The following ABCB4 variants were observed in gnomAD, a reference collection of about 807,000 sequenced individuals.
ABCB4 encodes the protein ATP binding cassette subfamily B member 4, also known as phosphatidylcholine translocator ABCB4.
Under a neutral mutation model 145.7 loss-of-function variants are expected in ABCB4, and 76 were observed. That is an observed-to-expected ratio of 0.52 (90% CI 0.43 to 0.63). The LOEUF is 0.63. Ranked by LOEUF, ABCB4 falls within the 30% of genes least tolerant of loss-of-function variation. The pLI is 0.00. For missense variants in ABCB4, 1,234 were observed against 1,553.1 expected (o/e 0.79, Z 3.45); for synonymous variants, 517 against 566.8 (o/e 0.91, Z 1.25).
intron 18 of ABCB4, among the ~76,000 whole-genome samples, chr7:87,421,421 C>T (rs1462458835): frequency 6.6e-6 from 1 of 152,162 alleles, no homozygotes; most frequent in Non-Finnish European, 1.5e-5. Context: ...CCCTAGCATG[C>T]CAGGGACTGG....
At chr7:87,475,730 G>T (rs1414767599), upstream of ABCB4, 2 of 342,784 alleles carry the variant, frequency 5.8e-6, no homozygotes, top group Admixed American at 6.1e-5. Context: ...CCCCGCCCCC[G>T]CCCCCGCCCC....
At chr7:87,467,815 A>C (rs569548328) in intron 3 of ABCB4, among the ~76,000 whole-genome samples, 2 of 152,226 alleles carry the variant, frequency 1.3e-5, no homozygotes, top group African/African-American at 4.8e-5. Flanking sequence ...TAACGAAATG[A>C]AGGCAGAAAT....
At chr7:87,412,499 T>A (rs1321647348) in intron 22 of ABCB4, among the ~76,000 whole-genome samples, 1 of 152,118 alleles carries the variant, frequency 6.6e-6, no homozygotes, top group Non-Finnish European at 1.5e-5. Context: ...GTCCCTGAAG[T>A]TTACATAGAT....
At chr7:87,452,769 C>A in intron 6 of ABCB4, 175 bp downstream of exon 6, 1 of 735,038 alleles carries the variant, frequency 1.4e-6, no homozygotes, top group South Asian at 1.8e-5. Context: ...GGGGGAAAGC[C>A]AACATGCAAT....
At chr7:87,413,829 T>C (rs1808790664) in intron 21 of ABCB4, 112 bp from the exon 22 acceptor site, 1 of 761,348 alleles carries the variant, frequency 1.3e-6, no homozygotes, top group Non-Finnish European at 2.3e-6. Flanking sequence ...TGATAGGCTT[T>C]AATTTCCTTT....
chr7:87,459,156 A>G (rs574949650), intron 4 of ABCB4, among the ~76,000 whole-genome samples: 1 of 152,364 alleles, frequency 6.6e-6, no homozygotes, highest in South Asian at 2.1e-4. Flanking sequence ...GTGATAAAAT[A>G]CCTTACATAA....
the ABCB4 span, chr7:87,393,085 T>C: frequency 1.2e-6 from 2 of 1,610,042 alleles, no homozygotes; most frequent in East Asian, 2.2e-5. Context: ...TTCTCTTTTT[T>C]ATTCTTTCTG....
intron 24 of ABCB4, among the ~76,000 whole-genome samples, chr7:87,408,645 T>A (rs983787441): frequency 1.3e-5 from 2 of 152,220 alleles, no homozygotes; most frequent in Admixed American, 1.3e-4. Context: ...TAAGTTCACT[T>A]TCTTTATCTC....
chr7:87,427,140 G>T (rs1000195002), intron 15 of ABCB4, among the ~76,000 whole-genome samples: 2 of 151,968 alleles, frequency 1.3e-5, no homozygotes, highest in Non-Finnish European at 2.9e-5. Flanking sequence ...AAGAAAATCG[G>T]AGTATAAGAA....
chr7:87,453,783 A>G (rs1212281128), intron 5 of ABCB4, among the ~76,000 whole-genome samples: 1 of 152,178 alleles, frequency 6.6e-6, no homozygotes, highest in African/African-American at 2.4e-5. Context: ...CTAGACTTGT[A>G]TATCTTATTG....
the ABCB4 span, among the ~76,000 whole-genome samples, chr7:87,384,353 G>A: frequency 3.9e-5 from 6 of 152,164 alleles, no homozygotes; most frequent in East Asian, 7.7e-4. Flanking sequence ...CCAACATAGC[G>A]AAACCCTGTC....
chr7:87,366,664 C>T, the ABCB4 span, among the ~76,000 whole-genome samples: 8 of 152,172 alleles, frequency 5.3e-5, no homozygotes, highest in Non-Finnish European at 7.3e-5. Flanking sequence ...CCTACTTCCC[C>T]GTCTTCACTT....
At chr7:87,458,497 T>C (rs977103900) in intron 4 of ABCB4, among the ~76,000 whole-genome samples, 7 of 152,166 alleles carry the variant, frequency 4.6e-5, no homozygotes, top group African/African-American at 7.2e-5. Context: ...TTCTAAAGAA[T>C]AGACTAAGTA....
intron 4 of ABCB4, among the ~76,000 whole-genome samples, chr7:87,455,875 T>C (rs1390880637): frequency 6.6e-6 from 1 of 152,178 alleles, no homozygotes; most frequent in African/African-American, 2.4e-5. Context: ...TTGAAACTTA[T>C]TTAAAACTCA....
At chr7:87,393,537 T>C in the ABCB4 span, among the ~76,000 whole-genome samples, 3 of 152,222 alleles carry the variant, frequency 2.0e-5, no homozygotes, top group Admixed American at 6.5e-5. Flanking sequence ...CTTATGTTTA[T>C]GGAAAGAATG....
At chr7:87,389,838 C>G in the ABCB4 span, among the ~76,000 whole-genome samples, 19 of 151,032 alleles carry the variant, frequency 1.3e-4, no homozygotes, top group African/African-American at 4.6e-4. Context: ...TTGTTCCTAG[C>G]ATTAAGACTG....
intron 4 of ABCB4, among the ~76,000 whole-genome samples, chr7:87,456,765 C>G (rs1812128209): frequency 6.6e-6 from 1 of 152,142 alleles, no homozygotes; most frequent in Non-Finnish European, 1.5e-5. Context: ...CCGCTCCTTT[C>G]TCAGAGTCTC....
At chr7:87,421,726 GTTC>G (rs1159916473) in intron 18 of ABCB4, among the ~76,000 whole-genome samples, 2 of 152,192 alleles carry the variant, frequency 1.3e-5, no homozygotes, top group Non-Finnish European at 2.9e-5. Flanking sequence ...AAAATATTAT[GTTC>G]TTTCAAATAG....
chr7:87,466,758 G>A (rs1563003093), intron 3 of ABCB4, among the ~76,000 whole-genome samples: 1 of 152,200 alleles, frequency 6.6e-6, no homozygotes, highest in Non-Finnish European at 1.5e-5. Flanking sequence ...CATTCTTAAA[G>A]AAAAGAATTT....
Sources: gnomAD v4.1 joint callset for allele counts (sites outside exome capture counted in the v4.1 genomes callset) on GRCh38, gnomAD v4.1.1 for gene constraint, MANE v1.5 for transcripts, NCBI Gene and HGNC (gene_info 2026-07-23, HGNC 2026-07-21) for gene names.